Variants in MRPS25 observed in about 807,000 individuals in gnomAD.
MRPS25 encodes the protein mitochondrial ribosomal protein S25.
A neutral mutation model predicts 17.3 loss-of-function variants in MRPS25; 15 were observed. The ratio of observed to expected loss-of-function variants is 0.87; its 90% CI spans 0.58 to 1.34. The LOEUF (loss-of-function observed/expected upper bound fraction) is 1.34, where lower values mean the gene tolerates loss of function less well. Ranked by LOEUF, MRPS25 falls within the 40% of genes most tolerant of loss-of-function variation. The pLI, the probability that MRPS25 is intolerant of heterozygous loss-of-function variation, is 0.00. For synonymous variants in MRPS25, 94 were observed against 83.3 expected (o/e 1.13, Z -0.70); for missense variants, 225 against 218.6 (o/e 1.03, Z -0.19).
chr3:15,062,510 C>T (rs1488196344), intron 1 of MRPS25, among the ~76,000 whole-genome samples: 1 of 151,346 alleles, frequency 6.6e-6, no homozygotes. Context: ...TCTGCCCGGC[C>T]GCCCCTACTG....
chr3:15,058,922 C>T (rs1449332020), intron 2 of MRPS25, among the ~76,000 whole-genome samples: 1 of 151,934 alleles, frequency 6.6e-6, no homozygotes, highest in Non-Finnish European at 1.5e-5. Context: ...AGGACACACA[C>T]AGCACCGAGA....
downstream of MRPS25, chr3:15,046,355 C>T (rs906230007): frequency 1.3e-5 from 2 of 152,310 alleles, no homozygotes; most frequent in South Asian, 2.1e-4. Flanking sequence ...ACAGTGGATG[C>T]GTTAGGCTCC....
intron 3 of MRPS25, 105 bp from the exon 4 acceptor site, chr3:15,052,738 A>G: frequency 8.6e-7 from 1 of 1,168,174 alleles, no homozygotes; most frequent in Non-Finnish European, 1.2e-6. Context: ...GGACACCTGG[A>G]TCTCCTGCCT....
At chr3:15,044,115 A>T (rs2125110101), downstream of MRPS25, 1 of 152,362 alleles carries the variant, frequency 6.6e-6, no homozygotes, top group East Asian at 1.9e-4. Flanking sequence ...CTCCATCATA[A>T]CTGTGAGGCT....
downstream of MRPS25, chr3:15,046,329 A>T (rs915498835): frequency 1.3e-5 from 2 of 152,260 alleles, no homozygotes; most frequent in Non-Finnish European, 2.9e-5. Flanking sequence ...CAGTTAGGAC[A>T]CCAGCCATGG....
downstream of MRPS25, chr3:15,043,091 G>C: frequency 7.5e-7 from 1 of 1,338,508 alleles, no homozygotes; most frequent in Non-Finnish European, 1.0e-6. Context: ...ATTTTGGTAT[G>C]TGCAAATATT....
Position 15,051,694 on chromosome 3 carries a change from C to T in MRPS25, c.*747G>A, listed in dbSNP as rs1441692334. 2 of 985,850 alleles carry T rather than the reference C, an allele frequency of 2.0e-6. No individual in the cohort carries two copies. The highest frequency in any genetic ancestry group is 4.7e-5 in the South Asian group (1 of 21,300). The allele number at this position is 985,850 out of a possible 1,614,324, so 61.1% of individuals were successfully genotyped here. On this transcript the variant is annotated 3_prime_UTR_variant, in exon 4 of 4. Coordinates refer to ENST00000253686, the MANE Select transcript of MRPS25 (RefSeq NM_022497.5). ...GAGCCAGCTATAGACACCATCCCCCCAGCAGGGCCCCAATGTCTCCACTAG... is the reference window on the plus strand; with the variant it reads ...GAGCCAGCTATAGACACCATCCCCCTAGCAGGGCCCCAATGTCTCCACTAG...
downstream of MRPS25, chr3:15,042,664 T>G: frequency 1.7e-6 from 1 of 600,996 alleles, no homozygotes; most frequent in Non-Finnish European, 2.9e-6. Context: ...TTTTTTCTCA[T>G]GATAAATTTC....
Position 15,049,991 on chromosome 3 carries a change from A to G in MRPS25, c.*2450T>C. On this transcript the variant is annotated 3_prime_UTR_variant, in exon 4 of 4. Coordinates refer to ENST00000253686, the MANE Select transcript of MRPS25 (RefSeq NM_022497.5). ...ATAAGGCTGTGAACACTGCTTGTGC[A>G]AGTAAAATTAAGAACATGTTATCAA... 1 of 1,471,598 alleles carries G rather than the reference A, an allele frequency of 6.8e-7. No homozygotes were observed. Among genetic ancestry groups the G allele is most frequent in the Admixed American group, 3.0e-5 (1 of 33,044 alleles). The allele number at this position is 1,471,598 out of a possible 1,614,324, so 91.2% of individuals were successfully genotyped here. A position where few individuals can be genotyped will look rare whatever the true frequency, so the allele number is the denominator to read the frequency against.
chr3:15,057,799 T>G (rs1297964138), intron 2 of MRPS25, among the ~76,000 whole-genome samples: 7 of 152,242 alleles, frequency 4.6e-5, no homozygotes, highest in African/African-American at 1.7e-4. Context: ...TAGTTGGTTT[T>G]AAAAACACAA....
In MRPS25 at chr3:15,065,191, G is replaced by A; in HGVS notation, c.4C>T (p.Pro2Ser). 2.5e-6 allele frequency: 4 copies of A among 1,596,482 alleles called. No individual in the cohort carries two copies. The highest frequency in any genetic ancestry group is 3.4e-6 in the Non-Finnish European group (4 of 1,172,444). The change falls in exon 1 of 4, where the codon CCC becomes TCC. Residue 2 changes from proline to serine, a missense_variant. Physicochemically the swap from Pro to Ser is moderately conservative, Grantham distance 74 (BLOSUM62 -1). Transcript: ENST00000253686. M[P>S]MKGRFPIRRT... Reference sequence around the variant, plus strand: ...CGGATGGGGAAGCGGCCCTTCATGGGCATGGCGGCAACGGTGGCGGGGCCG... The same window carrying A: ...CGGATGGGGAAGCGGCCCTTCATGGACATGGCGGCAACGGTGGCGGGGCCG...
chr3:15,055,828 C>T (rs1471146984), intron 2 of MRPS25, among the ~76,000 whole-genome samples: 1 of 150,544 alleles, frequency 6.6e-6, no homozygotes, highest in East Asian at 1.9e-4. Context: ...ACAGAGAAAA[C>T]AGTCACAAGA....
intron 2 of MRPS25, among the ~76,000 whole-genome samples, chr3:15,058,188 A>C (rs566890627): frequency 4.1e-5 from 6 of 146,040 alleles, no homozygotes; most frequent in African/African-American, 1.5e-4. Context: ...CCACAGCACT[A>C]ATCTTTTTTC....
At chr3:15,046,939 G>A (rs1200177452), downstream of MRPS25, 2 of 152,644 alleles carry the variant, frequency 1.3e-5, no homozygotes, top group African/African-American at 4.8e-5. Context: ...TTTGTACACA[G>A]GGTCTGGACC....
intron 1 of MRPS25, among the ~76,000 whole-genome samples, chr3:15,060,320 C>A (rs952722261): frequency 1.3e-5 from 2 of 151,762 alleles, no homozygotes; most frequent in African/African-American, 2.4e-5. Flanking sequence ...TGAGACCAGC[C>A]TGGGCAATAT....
Position 15,050,392 on chromosome 3 carries a change from G to A in MRPS25, c.*2049C>T, listed in dbSNP as rs1318310602. The A allele has an allele frequency of 9.9e-7, 1 of 1,014,098 alleles. No homozygotes were observed. The highest frequency in any genetic ancestry group is 4.0e-5 in the South Asian group (1 of 25,238). 62.8% of individuals were successfully genotyped at this position (1,014,098 alleles called of 1,614,324 possible). The stretch of plus-strand genomic sequence containing the variant: ...TAGAGAATGGTCACCACTCCTTTTG[G>A]TTCAGGACATTCCTGCTGGTTAGCA... On this transcript the variant is annotated 3_prime_UTR_variant, in exon 4 of 4. Coordinates refer to ENST00000253686, the MANE Select transcript of MRPS25 (RefSeq NM_022497.5).
chr3:15,047,682 C>CCAT (rs891281264), downstream of MRPS25: 1 of 152,174 alleles, frequency 6.6e-6, no homozygotes, highest in African/African-American at 2.4e-5. Context: ...ATAGTAATTC[C>CCAT]CATCTTTCTA....
rs2042549416 is a variant in MRPS25, at chr3:15,048,868, T to TATCTA, written c.*3568_*3572dup. ...CATTACCAGCCCTTTTAAAGGCATCTATCTATCAAAGGAAAATTTGGGTGT... is the reference window on the plus strand; with the variant it reads ...CATTACCAGCCCTTTTAAAGGCATCTATCTAATCTATCAAAGGAAAATTTGGGTGT... On this transcript the variant is annotated 3_prime_UTR_variant, in exon 4 of 4. Transcript: ENST00000253686. 6.6e-6 allele frequency: 1 copy of TATCTA among 152,626 alleles called. No homozygotes were observed. Among genetic ancestry groups the TATCTA allele is most frequent in the Non-Finnish European group, 1.5e-5 (1 of 68,040 alleles). 9.5% of individuals were successfully genotyped at this position (152,626 alleles called of 1,614,324 possible).
chr3:15,059,231 G>A, intron 2 of MRPS25, 138 bp downstream of exon 2: 2 of 649,458 alleles, frequency 3.1e-6, no homozygotes, highest in Admixed American at 4.7e-5. Flanking sequence ...TCGGTATGGG[G>A]AAGCCAAAGG....
Sources: gnomAD v4.1 joint callset for allele counts (sites outside exome capture counted in the v4.1 genomes callset) on GRCh38, gnomAD v4.1.1 for gene constraint, MANE v1.5 for transcripts, NCBI Gene and HGNC (gene_info 2026-07-23, HGNC 2026-07-21) for gene names.